SCNN1B: variants seen among roughly 807,000 people sequenced by gnomAD.
SCNN1B encodes sodium channel epithelial 1 subunit beta.
A neutral mutation model predicts 65.3 loss-of-function variants in SCNN1B; 46 were observed. The observed-to-expected ratio is 0.70, with a 90% CI of 0.56 to 0.90. The LOEUF (loss-of-function observed/expected upper bound fraction) is 0.90. SCNN1B is among the 40% of genes least tolerant of loss of function. The pLI, the probability that SCNN1B is intolerant of heterozygous loss-of-function variation, is 0.00. For synonymous variants in SCNN1B, 349 were observed against 330.6 expected (o/e 1.06, Z -0.60); for missense variants, 751 against 830.5 (o/e 0.90, Z 1.18).
intron 1 of SCNN1B, among the ~76,000 whole-genome samples, chr16:23,304,627 T>G (rs1398694630): frequency 6.6e-6 from 1 of 152,176 alleles, no homozygotes; most frequent in Non-Finnish European, 1.5e-5. Context: ...GATTGGACTG[T>G]CCAGGGTCCT....
chr16:23,356,492 T>G (rs766474468), intron 4 of SCNN1B, among the ~76,000 whole-genome samples: 2 of 151,964 alleles, frequency 1.3e-5, no homozygotes, highest in Non-Finnish European at 2.9e-5. Flanking sequence ...GATATAGTCA[T>G]GCTCACCTGT....
chr16:23,374,435 G>A (rs1962849346), intron 7 of SCNN1B, among the ~76,000 whole-genome samples: 1 of 151,112 alleles, frequency 6.6e-6, no homozygotes, highest in Admixed American at 6.6e-5. Flanking sequence ...TCAGCCGGGG[G>A]TGGTGGTGCA....
chr16:23,285,776 C>A (rs1596805317), intron 2 of SCNN1B, among the ~76,000 whole-genome samples: 2 of 152,314 alleles, frequency 1.3e-5, no homozygotes, highest in East Asian at 3.9e-4. Flanking sequence ...GAGTTCAAGA[C>A]CAGGCTGGGC....
At chr16:23,363,161 C>T (rs1439546188) in intron 4 of SCNN1B, among the ~76,000 whole-genome samples, 1 of 152,162 alleles carries the variant, frequency 6.6e-6, no homozygotes, top group Non-Finnish European at 1.5e-5. Context: ...ATTTATTCAT[C>T]AAATATTTAC....
intron 2 of SCNN1B, among the ~76,000 whole-genome samples, chr16:23,293,422 C>T (rs1233830787): frequency 6.6e-6 from 1 of 152,082 alleles, no homozygotes; most frequent in Non-Finnish European, 1.5e-5. Context: ...TACAAAATAA[C>T]AAAAACGAGT....
At chr16:23,299,860 T>C (rs1367069643), upstream of SCNN1B, among the ~76,000 whole-genome samples, 1 of 152,250 alleles carries the variant, frequency 6.6e-6, no homozygotes. Context: ...CAAAGGATTA[T>C]AAATCATGCT....
intron 1 of SCNN1B, chr16:23,303,833 C>T (rs1961136994): frequency 5.3e-6 from 3 of 560,838 alleles, no homozygotes; most frequent in Non-Finnish European, 9.6e-6. Flanking sequence ...GCAGGTGGAT[C>T]GCTTGAACCC....
intron 7 of SCNN1B, chr16:23,372,176 T>G: frequency 4.1e-6 from 2 of 482,730 alleles, no homozygotes; most frequent in East Asian, 3.9e-5. Flanking sequence ...AAATAGCAGC[T>G]AACACCATCA....
At chr16:23,331,084 G>A (rs1406365502) in intron 1 of SCNN1B, among the ~76,000 whole-genome samples, 1 of 152,226 alleles carries the variant, frequency 6.6e-6, no homozygotes, top group Non-Finnish European at 1.5e-5. Context: ...GGACCAGCTA[G>A]ATGGGCACAG....
intron 1 of SCNN1B, among the ~76,000 whole-genome samples, chr16:23,337,629 C>A (rs1961971358): frequency 6.6e-6 from 1 of 152,002 alleles, no homozygotes; most frequent in African/African-American, 2.4e-5. Context: ...CCACTCACCT[C>A]GGCCTCCCAA....
intron 4 of SCNN1B, among the ~76,000 whole-genome samples, chr16:23,364,086 G>A (rs1021045577): frequency 1.3e-4 from 20 of 151,586 alleles, no homozygotes; most frequent in African/African-American, 3.4e-4. Context: ...AGAATCACTT[G>A]AACGGGGAGG....
chr16:23,324,600 C>T (rs929162293), intron 1 of SCNN1B, among the ~76,000 whole-genome samples: 1 of 152,134 alleles, frequency 6.6e-6, no homozygotes, highest in Non-Finnish European at 1.5e-5. Flanking sequence ...CAAACATTAT[C>T]AGGTTGACCT....
intron 4 of SCNN1B, chr16:23,358,687 G>T (rs1475034108): frequency 1.3e-5 from 2 of 152,136 alleles, no homozygotes; most frequent in Non-Finnish European, 2.9e-5. Flanking sequence ...CTGGCAGATC[G>T]CTTGAGACCA....
chr16:23,288,071 A>T (rs1960876088), intron 2 of SCNN1B, among the ~76,000 whole-genome samples: 1 of 151,786 alleles, frequency 6.6e-6, no homozygotes, highest in Non-Finnish European at 1.5e-5. Context: ...TGGAAGCATC[A>T]CTTGAGCCCT....
At chr16:23,292,961 A>G (rs1230592154) in intron 2 of SCNN1B, among the ~76,000 whole-genome samples, 1 of 151,546 alleles carries the variant, frequency 6.6e-6, no homozygotes, top group Admixed American at 6.6e-5. Flanking sequence ...CTAAAAATAC[A>G]AACATTAGCG....
In SCNN1B at chr16:23,380,026, G is replaced by A. The variant is rs755327538; in HGVS notation, c.1467-68G>A. Reference sequence around the variant, plus strand: ...CATGTGTGTGCATGTGTCTATGTGCGTGTGTGTGTGTCTGTCTGTTTGGAA... The same window carrying A: ...CATGTGTGTGCATGTGTCTATGTGCATGTGTGTGTGTCTGTCTGTTTGGAA... On this transcript the variant is annotated intron_variant, in intron 11 of 12. Coordinates refer to ENST00000343070, the MANE Select transcript of SCNN1B (RefSeq NM_000336.3). The surrounding 1 kb of genome is among the most constrained non-coding windows in gnomAD (Gnocchi z 5.4). 95 of 1,108,394 alleles carry A rather than the reference G, an allele frequency of 8.6e-5. No homozygotes were observed. The highest frequency in any genetic ancestry group is 3.3e-4 in the East Asian group (14 of 41,986). 68.7% of individuals were successfully genotyped at this position (1,108,394 alleles called of 1,614,324 possible).
intron 1 of SCNN1B, among the ~76,000 whole-genome samples, chr16:23,328,827 G>A (rs555428264): frequency 2.7e-3 from 411 of 152,190 alleles, no homozygotes; most frequent in African/African-American, 9.7e-3. Flanking sequence ...ACAGGGTCTC[G>A]CTCTGTCACC....
chr16:23,321,947 C>A (rs1287758904), intron 1 of SCNN1B, among the ~76,000 whole-genome samples: 1 of 152,068 alleles, frequency 6.6e-6, no homozygotes, highest in African/African-American at 2.4e-5. Flanking sequence ...ATCGCTTGAG[C>A]CCGGGAGGCA....
chr16:23,315,194 A>T (rs1345706038), intron 1 of SCNN1B, among the ~76,000 whole-genome samples: 1 of 152,078 alleles, frequency 6.6e-6, no homozygotes, highest in Non-Finnish European at 1.5e-5. Context: ...AAAATTAGCT[A>T]GGTGTGATGG....
Sources: allele counts gnomAD v4.1 joint callset (sites outside exome capture counted in the v4.1 genomes callset), GRCh38; gene constraint gnomAD v4.1.1; non-coding constraint Gnocchi (gnomAD v3.1); transcripts MANE v1.5; gene names NCBI Gene and HGNC (gene_info 2026-07-23, HGNC 2026-07-21).